Variants in DOCK3 observed in about 807,000 individuals in gnomAD.
The protein encoded by DOCK3 is dedicator of cytokinesis 3, also known as dedicator of cytokinesis protein 3.
A neutral mutation model predicts 265.6 loss-of-function variants in DOCK3; 60 were observed. The observed-to-expected ratio is 0.23, with a 90% CI of 0.18 to 0.28. The LOEUF is 0.28. Ranked by LOEUF, DOCK3 falls within the 10% of genes least tolerant of loss-of-function variation. DOCK3 has a pLI of 1.00. For synonymous variants in DOCK3, 881 were observed against 938.0 expected, an observed-to-expected ratio of 0.94 and a Z score of 1.11; for missense variants, 1,981 against 2,594.3, an observed-to-expected ratio of 0.76 and a Z score of 5.14.
intron 22 of DOCK3, among the ~76,000 whole-genome samples, chr3:51,255,429 G>A (rs2079493470): frequency 6.6e-6 from 1 of 152,134 alleles, no homozygotes; most frequent in Non-Finnish European, 1.5e-5. Context: ...GCTAGGTTGG[G>A]GAAGTTCTCC....
intron 2 of DOCK3, among the ~76,000 whole-genome samples, chr3:50,806,380 A>C (rs1191523957): frequency 6.6e-6 from 1 of 151,966 alleles, no homozygotes; most frequent in Admixed American, 6.6e-5. Context: ...ACTTTTCTCA[A>C]GTCCTTATTG....
chr3:50,969,076 G>A (rs1027289543), intron 5 of DOCK3, among the ~76,000 whole-genome samples: 2 of 152,142 alleles, frequency 1.3e-5, no homozygotes, highest in African/African-American at 4.8e-5. Context: ...TGTCAGTGGG[G>A]TGGTGAAGTT....
chr3:50,920,494 G>T (rs1313170818), intron 4 of DOCK3, among the ~76,000 whole-genome samples: 1 of 152,120 alleles, frequency 6.6e-6, no homozygotes, highest in Non-Finnish European at 1.5e-5. Flanking sequence ...TATGTGTCTA[G>T]GAATTTATCC....
chr3:50,696,860 C>G (rs2035655899), intron 1 of DOCK3, among the ~76,000 whole-genome samples: 2 of 151,776 alleles, frequency 1.3e-5, no homozygotes. Context: ...TCTTTTTTCT[C>G]TACATTGTGT....
intron 12 of DOCK3, among the ~76,000 whole-genome samples, chr3:51,165,625 A>C (rs190605552): frequency 6.6e-6 from 1 of 152,156 alleles, no homozygotes; most frequent in Non-Finnish European, 1.5e-5. Context: ...GCCCCTGGCA[A>C]CCACCGTTCT....
intron 27 of DOCK3, among the ~76,000 whole-genome samples, chr3:51,298,517 A>G (rs958670814): frequency 1.3e-5 from 2 of 152,152 alleles, no homozygotes; most frequent in African/African-American, 4.8e-5. Context: ...TTACATAGGT[A>G]TTAAGCCCAG....
chr3:51,017,147 T>C (rs2079381212), intron 5 of DOCK3, among the ~76,000 whole-genome samples: 1 of 149,892 alleles, frequency 6.7e-6, no homozygotes. Context: ...TTTTTCTAGG[T>C]TTTTCAATTT....
At chr3:50,954,393 T>C (rs1284910242) in intron 5 of DOCK3, among the ~76,000 whole-genome samples, 2 of 152,142 alleles carry the variant, frequency 1.3e-5, no homozygotes, top group African/African-American at 2.4e-5. Flanking sequence ...GAGTTAAATA[T>C]GTATGCTTGG....
At chr3:50,854,156 G>C (rs1291596109) in intron 3 of DOCK3, among the ~76,000 whole-genome samples, 2 of 151,850 alleles carry the variant, frequency 1.3e-5, no homozygotes, top group African/African-American at 4.8e-5. Flanking sequence ...TTTTAATGGG[G>C]ATATTTGTAA....
At chr3:50,827,923 A>G (rs1271997468) in intron 2 of DOCK3, among the ~76,000 whole-genome samples, 1 of 149,556 alleles carries the variant, frequency 6.7e-6, no homozygotes, top group Non-Finnish European at 1.5e-5. Flanking sequence ...TCCCTTAGTG[A>G]TTATCCTAGA....
At chr3:51,083,083 G>A (rs1276223781) in intron 7 of DOCK3, among the ~76,000 whole-genome samples, 3 of 152,120 alleles carry the variant, frequency 2.0e-5, no homozygotes, top group African/African-American at 7.2e-5. Context: ...ACCACCTGGG[G>A]ACCTAAGGAC....
At chr3:50,975,077 C>T (rs1176724242) in intron 5 of DOCK3, among the ~76,000 whole-genome samples, 1 of 151,558 alleles carries the variant, frequency 6.6e-6, no homozygotes, top group Admixed American at 6.6e-5. Context: ...ACAATCATGT[C>T]ATCTGCAAAC....
chr3:51,340,052 A>G (rs942581374), intron 37 of DOCK3, among the ~76,000 whole-genome samples: 4 of 152,208 alleles, frequency 2.6e-5, no homozygotes, highest in African/African-American at 7.2e-5. Context: ...GGCTGAGTCT[A>G]CCATTCTCTG....
chr3:51,136,347 C>G (rs1014387993), intron 9 of DOCK3, among the ~76,000 whole-genome samples: 4 of 152,028 alleles, frequency 2.6e-5, no homozygotes, highest in Non-Finnish European at 4.4e-5. Flanking sequence ...CTGCCTCAGC[C>G]TCCTGAGTAG....
chr3:51,006,157 A>G (rs1247831290), intron 5 of DOCK3, among the ~76,000 whole-genome samples: 1 of 151,368 alleles, frequency 6.6e-6, no homozygotes, highest in African/African-American at 2.4e-5. Flanking sequence ...TGTCTCCCTC[A>G]TGTCTCTGCT....
At chr3:50,840,433 T>C (rs2107244643) in intron 2 of DOCK3, among the ~76,000 whole-genome samples, 1 of 152,362 alleles carries the variant, frequency 6.6e-6, no homozygotes, top group South Asian at 2.1e-4. Context: ...TCTTTGCATA[T>C]GGATGTCCAG....
At chr3:51,329,206 C>A (rs1020286777) in intron 32 of DOCK3, among the ~76,000 whole-genome samples, 6 of 152,090 alleles carry the variant, frequency 3.9e-5, no homozygotes, top group African/African-American at 1.4e-4. Context: ...ATATCACTTA[C>A]AACCAGTTTC....
chr3:51,016,973 A>AC, intron 5 of DOCK3, among the ~76,000 whole-genome samples: 1 of 17,886 alleles, frequency 5.6e-5, no homozygotes, highest in African/African-American at 4.3e-4. Context: ...TATATATATA[A>AC]ATAAATGGTA....
At chr3:51,024,886 C>G (rs746342427) in intron 5 of DOCK3, among the ~76,000 whole-genome samples, 5 of 152,172 alleles carry the variant, frequency 3.3e-5, no homozygotes, top group African/African-American at 4.8e-5. Flanking sequence ...AGACTCAGGA[C>G]CTTTGGTTTG....
Sources: allele counts gnomAD v4.1 joint callset (sites outside exome capture counted in the v4.1 genomes callset), GRCh38; gene constraint gnomAD v4.1.1; transcripts MANE v1.5; gene names NCBI Gene and HGNC (gene_info 2026-07-23, HGNC 2026-07-21).